Variants in GRM1 observed in about 807,000 individuals in gnomAD.
The protein encoded by GRM1 is glutamate metabotropic receptor 1, also known as metabotropic glutamate receptor 1.
Under a neutral mutation model 90.9 loss-of-function variants are expected in GRM1, and 33 were observed. That is an observed-to-expected ratio of 0.36 (90% CI 0.28 to 0.49). GRM1 has a LOEUF of 0.49. Among genes scored for constraint, GRM1 ranks in the 20% least tolerant of loss-of-function variants. The pLI, the probability that GRM1 is intolerant of heterozygous loss-of-function variation, is 0.99. For missense variants in GRM1, 1,190 were observed against 1,534.3 expected (o/e 0.78, Z 3.75); for synonymous variants, 700 against 613.2 (o/e 1.14, Z -2.09).
chr6:146,425,787 C>A (rs1415700605), intron 7 of GRM1, among the ~76,000 whole-genome samples: 1 of 152,000 alleles, frequency 6.6e-6, no homozygotes, highest in Non-Finnish European at 1.5e-5. Context: ...TATCCCATCA[C>A]CTTCTGCAGT....
At chr6:146,415,211 C>T (rs1777734536) in intron 7 of GRM1, among the ~76,000 whole-genome samples, 1 of 152,122 alleles carries the variant, frequency 6.6e-6, no homozygotes, top group South Asian at 2.1e-4. Flanking sequence ...TTTGTATCTT[C>T]ACCTGGCAGA....
At chr6:146,191,180 A>T (rs1267519929) in intron 2 of GRM1, among the ~76,000 whole-genome samples, 1 of 152,162 alleles carries the variant, frequency 6.6e-6, no homozygotes, top group Admixed American at 6.5e-5. Flanking sequence ...AGTCTGGATT[A>T]GGCTTCTTGC....
At chr6:146,318,485 G>A (rs567738673) in intron 3 of GRM1, among the ~76,000 whole-genome samples, 83 of 152,270 alleles carry the variant, frequency 5.5e-4, no homozygotes, top group Middle Eastern at 3.4e-3. Flanking sequence ...TGTATTTATG[G>A]TAAAATCATT....
At chr6:146,230,609 T>A (rs1251460500) in intron 2 of GRM1, among the ~76,000 whole-genome samples, 1 of 152,100 alleles carries the variant, frequency 6.6e-6, no homozygotes. Context: ...ATTTGGCAGT[T>A]TTTTACAAAA....
At chr6:146,267,598 T>C (rs899049718) in intron 2 of GRM1, among the ~76,000 whole-genome samples, 2 of 129,822 alleles carry the variant, frequency 1.5e-5, no homozygotes, top group African/African-American at 5.5e-5. Context: ...GTATCCAGCA[T>C]GGGAGAAAGA....
At position 146,434,921 on chromosome 6, in the gene GRM1, G is replaced by A; in HGVS notation, c.*125G>A. 1 of 813,102 alleles carries A rather than the reference G, an allele frequency of 1.2e-6. No individual in the cohort carries two copies. Among genetic ancestry groups the A allele is most frequent in the Non-Finnish European group, 2.1e-6 (1 of 484,916 alleles). The allele number at this position is 813,102 out of a possible 1,614,324, so 50.4% of individuals were successfully genotyped here. ...CTCGTCGGGAGGACAGGAGACCGCT[G>A]CTGCTGCTGCCGCTACTGCTGCTGC... is the stretch of plus-strand genomic sequence containing the variant. On this transcript the variant is annotated 3_prime_UTR_variant, in exon 8 of 8. Coordinates refer to ENST00000282753, the MANE Select transcript of GRM1 (RefSeq NM_001278064.2).
chr6:146,092,738 A>T (rs781112250), intron 1 of GRM1, among the ~76,000 whole-genome samples: 4 of 152,122 alleles, frequency 2.6e-5, no homozygotes, highest in Non-Finnish European at 4.4e-5. Context: ...CCCCTGCTGC[A>T]TCTGAAGAAG....
chr6:146,375,908 A>G (rs1007162639), intron 5 of GRM1, among the ~76,000 whole-genome samples: 29 of 151,520 alleles, frequency 1.9e-4, no homozygotes, highest in African/African-American at 6.5e-4. Flanking sequence ...CCATTTTGTT[A>G]TTTGTTTTCT....
At chr6:146,110,239 C>T (rs1775503992) in intron 1 of GRM1, among the ~76,000 whole-genome samples, 1 of 152,128 alleles carries the variant, frequency 6.6e-6, no homozygotes, top group African/African-American at 2.4e-5. Flanking sequence ...CCTGCTGTTC[C>T]CACATGTCGT....
chr6:146,396,630 T>C (rs1391048959), intron 6 of GRM1, among the ~76,000 whole-genome samples: 1 of 151,678 alleles, frequency 6.6e-6, no homozygotes, highest in Non-Finnish European at 1.5e-5. Context: ...AAAATATGGT[T>C]CAAAACGAAA....
At chr6:146,202,364 C>T (rs556245599) in intron 2 of GRM1, among the ~76,000 whole-genome samples, 1 of 152,216 alleles carries the variant, frequency 6.6e-6, no homozygotes, top group East Asian at 1.9e-4. Flanking sequence ...ATTTTTACAT[C>T]TTTGAGCTTC....
chr6:146,389,386 T>G (rs1246156205), intron 6 of GRM1, among the ~76,000 whole-genome samples: 1 of 150,800 alleles, frequency 6.6e-6, no homozygotes, highest in Non-Finnish European at 1.5e-5. Context: ...TAAAAAAATT[T>G]CTATCCTATT....
chr6:146,269,130 A>G (rs756751744), intron 2 of GRM1, among the ~76,000 whole-genome samples: 47 of 152,190 alleles, frequency 3.1e-4, no homozygotes, highest in Non-Finnish European at 5.9e-4. Context: ...ATCCGCCCTG[A>G]CTGCTTCTTC....
chr6:146,088,254 A>G (rs1303394204), intron 1 of GRM1, among the ~76,000 whole-genome samples: 1 of 152,006 alleles, frequency 6.6e-6, no homozygotes, highest in Non-Finnish European at 1.5e-5. Context: ...ATGTGACAAT[A>G]TATTTTTTTC....
chr6:146,140,016 C>T (rs1776790118), intron 1 of GRM1, among the ~76,000 whole-genome samples: 1 of 138,816 alleles, frequency 7.2e-6, no homozygotes, highest in Non-Finnish European at 1.5e-5. Context: ...CCTCCCCTCA[C>T]TTCCCCTCCT....
intron 2 of GRM1, among the ~76,000 whole-genome samples, chr6:146,195,463 G>T (rs906513716): frequency 7.2e-5 from 11 of 152,156 alleles, no homozygotes; most frequent in African/African-American, 2.2e-4. Flanking sequence ...AAGTATGACT[G>T]CTTGAGCCCT....
rs769413574 is a variant in GRM1, at chr6:146,159,332, G to C, written c.701-16G>C. On this transcript the variant is annotated splice_polypyrimidine_tract_variant and intron_variant, in intron 1 of 7. Transcript: ENST00000282753. ...GCCACAGTTGTCTTGAACATCTGCT[G>C]ATTGTTTCTGGACAGGGAATTATGG... The C allele has an allele frequency of 6.2e-7, 1 of 1,614,014 alleles. No individual in the cohort carries two copies. The highest frequency in any genetic ancestry group is 8.5e-7 in the Non-Finnish European group (1 of 1,179,866).
chr6:146,163,893 C>T (rs1410109991), intron 2 of GRM1, among the ~76,000 whole-genome samples: 2 of 152,016 alleles, frequency 1.3e-5, no homozygotes, highest in African/African-American at 4.8e-5. Context: ...CTCATTTAAC[C>T]TCTTTTCCAG....
intron 6 of GRM1, among the ~76,000 whole-genome samples, chr6:146,391,982 C>T (rs539356260): frequency 1.3e-5 from 2 of 152,248 alleles, no homozygotes; most frequent in South Asian, 2.1e-4. Flanking sequence ...ATTTGATGCA[C>T]TGTATAGGAC....
Sources: allele counts gnomAD v4.1 joint callset (sites outside exome capture counted in the v4.1 genomes callset), GRCh38; gene constraint gnomAD v4.1.1; transcripts MANE v1.5; gene names NCBI Gene and HGNC (gene_info 2026-07-23, HGNC 2026-07-21).